TSPAN12: variants seen among roughly 807,000 people sequenced by gnomAD.
The protein encoded by TSPAN12 is tetraspanin-12.
Under a neutral mutation model 39.2 loss-of-function variants are expected in TSPAN12, and 19 were observed. That is an observed-to-expected ratio of 0.49 (90% CI 0.34 to 0.71). The LOEUF (loss-of-function observed/expected upper bound fraction) is 0.71. Among genes scored for constraint, TSPAN12 ranks in the 30% least tolerant of loss-of-function variants. The probability of loss-of-function intolerance (pLI) is 0.01; values close to 1 mark genes in which losing one functional copy is unlikely to be tolerated. For synonymous variants in TSPAN12, 119 were observed against 124.8 expected, an observed-to-expected ratio of 0.95 and a Z score of 0.31; for missense variants, 314 against 359.9, an observed-to-expected ratio of 0.87 and a Z score of 1.03.
chr7:120,806,198 A>G (rs1176371341), intron 7 of TSPAN12, among the ~76,000 whole-genome samples: 5 of 151,974 alleles, frequency 3.3e-5, no homozygotes, highest in Non-Finnish European at 7.4e-5. Flanking sequence ...TATTCTGTCC[A>G]GGAACTCCAA....
chr7:120,825,425 A>T (rs1331557683), intron 4 of TSPAN12, among the ~76,000 whole-genome samples: 1 of 152,200 alleles, frequency 6.6e-6, no homozygotes, highest in African/African-American at 2.4e-5. Context: ...TTATTTCAAA[A>T]TATAACACAC....
At chr7:120,841,439 G>T (rs1794576234) in intron 2 of TSPAN12, among the ~76,000 whole-genome samples, 1 of 152,016 alleles carries the variant, frequency 6.6e-6, no homozygotes, top group African/African-American at 2.4e-5. Flanking sequence ...ACAAAAAGGA[G>T]AGAAGGAGAA....
chr7:120,831,809 A>C (rs1321820789), intron 4 of TSPAN12, among the ~76,000 whole-genome samples: 1 of 152,064 alleles, frequency 6.6e-6, no homozygotes, highest in African/African-American at 2.4e-5. Flanking sequence ...CTAAAATAGT[A>C]AACTTTAAAT....
intron 5 of TSPAN12, 99 bp from the exon 6 acceptor site, chr7:120,810,669 C>T: frequency 1.3e-6 from 1 of 759,886 alleles, no homozygotes; most frequent in Non-Finnish European, 2.4e-6. Flanking sequence ...CACACGCATA[C>T]TCGGAATGTC....
chr7:120,840,322 A>C (rs1463345057), intron 2 of TSPAN12, among the ~76,000 whole-genome samples: 1 of 152,218 alleles, frequency 6.6e-6, no homozygotes, highest in Non-Finnish European at 1.5e-5. Flanking sequence ...TGGGATACAG[A>C]AAACAAAACT....
chr7:120,809,171 A>T (rs1484149921), intron 6 of TSPAN12, among the ~76,000 whole-genome samples: 1 of 152,052 alleles, frequency 6.6e-6, no homozygotes, highest in Non-Finnish European at 1.5e-5. Context: ...CATGTAACAA[A>T]TCTAAAAATA....
At position 120,787,875 on chromosome 7, in the gene TSPAN12, A is replaced by G. The variant is rs1793438789; in HGVS notation, c.*717T>C. On this transcript the variant is annotated 3_prime_UTR_variant, in exon 8 of 8. Coordinates refer to ENST00000222747, the MANE Select transcript of TSPAN12 (RefSeq NM_012338.4). ...GCCCAGGACAGAATAGTAAAGCTTT[A>G]TTAACAGGAAAGGCTAAAAATAATG... 1 of 152,732 alleles carries G rather than the reference A, an allele frequency of 6.5e-6. No individual in the cohort carries two copies. Among genetic ancestry groups the G allele is most frequent in the Non-Finnish European group, 1.5e-5 (1 of 68,116 alleles). 9.5% of individuals were successfully genotyped at this position (152,732 alleles called of 1,614,324 possible).
chr7:120,834,413 G>T (rs531351885), intron 4 of TSPAN12, among the ~76,000 whole-genome samples: 4 of 152,234 alleles, frequency 2.6e-5, no homozygotes, highest in Non-Finnish European at 5.9e-5. Flanking sequence ...TTTCCAATAG[G>T]TGGCCTCTTA....
intron 5 of TSPAN12, among the ~76,000 whole-genome samples, chr7:120,812,577 T>G (rs564317060): frequency 6.6e-6 from 1 of 152,332 alleles, no homozygotes; most frequent in South Asian, 2.1e-4. Context: ...AAATCTTCGT[T>G]TTTTTCTTTG....
In TSPAN12 at chr7:120,840,125, T is replaced by C. The variant is rs779452920; in HGVS notation, c.67-16A>G. The C allele has an allele frequency of 5.6e-6, 9 of 1,595,192 alleles. No homozygotes were observed. The highest frequency in any genetic ancestry group is 7.7e-6 in the Non-Finnish European group (9 of 1,163,108). The stretch of plus-strand genomic sequence containing the variant: ...TGGACATTAACTGGGGAGAAAAAAG[T>C]ACAAACCGGTTACCAAAGATTTACG... On this transcript the variant is annotated splice_polypyrimidine_tract_variant and intron_variant, in intron 2 of 7. Transcript: ENST00000222747.
At chr7:120,800,480 G>T (rs974016982) in intron 7 of TSPAN12, among the ~76,000 whole-genome samples, 1 of 151,952 alleles carries the variant, frequency 6.6e-6, no homozygotes, top group Non-Finnish European at 1.5e-5. Context: ...TCCACCCATC[G>T]TCCAGCTGAC....
chr7:120,823,356 C>T (rs1035754139), intron 4 of TSPAN12, among the ~76,000 whole-genome samples: 5 of 151,834 alleles, frequency 3.3e-5, no homozygotes, highest in African/African-American at 1.2e-4. Flanking sequence ...AAAGAAAAAA[C>T]TTACACCAGA....
intron 4 of TSPAN12, among the ~76,000 whole-genome samples, chr7:120,828,806 T>C (rs1794337498): frequency 1.3e-5 from 2 of 152,090 alleles, no homozygotes; most frequent in South Asian, 4.1e-4. Flanking sequence ...GCAAGCCCTA[T>C]ACAGAATGTG....
At chr7:120,822,954 C>T (rs547353912) in intron 4 of TSPAN12, among the ~76,000 whole-genome samples, 16 of 152,206 alleles carry the variant, frequency 1.1e-4, no homozygotes, top group Admixed American at 2.0e-4. Flanking sequence ...GGACAGCAAA[C>T]GAGTGTCTTC....
intron 7 of TSPAN12, among the ~76,000 whole-genome samples, chr7:120,799,589 AATATAATTAT>A (rs1221932477): frequency 2.8e-5 from 3 of 107,584 alleles, no homozygotes; most frequent in African/African-American, 1.1e-4. Context: ...TATATGTAAT[AATATAATTAT>A]ATATAATTAT....
chr7:120,795,891 G>C (rs1793618889), intron 7 of TSPAN12, among the ~76,000 whole-genome samples: 1 of 152,078 alleles, frequency 6.6e-6, no homozygotes, highest in African/African-American at 2.4e-5. Flanking sequence ...TCTCTCTTAG[G>C]AGAACAGAAA....
chr7:120,843,041 C>T (rs3779387), intron 2 of TSPAN12, among the ~76,000 whole-genome samples: 10,002 of 151,866 alleles, frequency 0.066, 665 homozygotes, highest in East Asian at 0.32. Context: ...TTTTAATCCA[C>T]AAATTAGAAT....
intron 7 of TSPAN12, among the ~76,000 whole-genome samples, chr7:120,800,688 T>C (rs1399499625): frequency 2.0e-5 from 3 of 151,652 alleles, no homozygotes; most frequent in East Asian, 1.9e-4. Flanking sequence ...AAGACCACAC[T>C]GCAGTGGCCT....
intron 4 of TSPAN12, among the ~76,000 whole-genome samples, chr7:120,823,596 G>A (rs1234596885): frequency 1.3e-5 from 2 of 152,084 alleles, no homozygotes; most frequent in African/African-American, 2.4e-5. Flanking sequence ...GGTGGGTGAG[G>A]CACAGCAGGA....
Sources: allele counts gnomAD v4.1 joint callset (sites outside exome capture counted in the v4.1 genomes callset), GRCh38; gene constraint gnomAD v4.1.1; transcripts MANE v1.5; gene names NCBI Gene and HGNC (gene_info 2026-07-23, HGNC 2026-07-21).